The following TENM4 variants were observed in gnomAD, a reference collection of about 807,000 sequenced individuals.
The protein encoded by TENM4 is teneurin-4.
TENM4 carries 82 observed loss-of-function variants against 243.3 expected under a neutral mutation model. That is an observed-to-expected ratio of 0.34 (90% CI 0.28 to 0.40). The LOEUF is 0.40. Among genes scored for constraint, TENM4 ranks in the 10% least tolerant of loss-of-function variants. The pLI, the probability that TENM4 is intolerant of heterozygous loss-of-function variation, is 1.00. For missense variants in TENM4, 3,138 were observed against 3,673.3 expected, an observed-to-expected ratio of 0.85 and a Z score of 3.77; for synonymous variants, 1,412 against 1,456.3, an observed-to-expected ratio of 0.97 and a Z score of 0.69.
intron 6 of TENM4, among the ~76,000 whole-genome samples, chr11:78,909,741 G>A (rs1478361754): frequency 6.6e-6 from 1 of 152,270 alleles, no homozygotes. Flanking sequence ...GATAATGCAT[G>A]TGCAAGGGTT....
At chr11:79,101,558 A>G (rs1418114156) in intron 4 of TENM4, among the ~76,000 whole-genome samples, 1 of 152,188 alleles carries the variant, frequency 6.6e-6, no homozygotes. Flanking sequence ...TGCGTCCTGG[A>G]GGGCTGAGTA....
At chr11:79,298,688 T>G (rs987977205) in intron 1 of TENM4, among the ~76,000 whole-genome samples, 2 of 152,158 alleles carry the variant, frequency 1.3e-5, no homozygotes, top group African/African-American at 4.8e-5. Context: ...TCTACAGATA[T>G]GATTTCATGA....
intron 28 of TENM4, among the ~76,000 whole-genome samples, chr11:78,693,781 AG>A (rs770340249): frequency 6.6e-6 from 1 of 152,182 alleles, no homozygotes; most frequent in Non-Finnish European, 1.5e-5. Context: ...TGGGAGGCCA[AG>A]GGGGGTGGAT....
At chr11:79,162,681 C>T (rs1862777150) in intron 3 of TENM4, among the ~76,000 whole-genome samples, 2 of 152,156 alleles carry the variant, frequency 1.3e-5, no homozygotes, top group South Asian at 4.1e-4. Flanking sequence ...TCGAGTCCTC[C>T]TCCACATTCC....
intron 5 of TENM4, among the ~76,000 whole-genome samples, chr11:79,068,656 C>T (rs902513253): frequency 6.6e-6 from 1 of 152,078 alleles, no homozygotes; most frequent in African/African-American, 2.4e-5. Context: ...AAGGGCAGAG[C>T]AAATCAGGGT....
At chr11:79,244,533 A>G (rs1855480070) in intron 2 of TENM4, among the ~76,000 whole-genome samples, 1 of 152,162 alleles carries the variant, frequency 6.6e-6, no homozygotes, top group Non-Finnish European at 1.5e-5. Flanking sequence ...GAGAGGCCAG[A>G]GAATTTCTCA....
chr11:78,831,889 A>G, intron 12 of TENM4, among the ~76,000 whole-genome samples: 1 of 152,212 alleles, frequency 6.6e-6, no homozygotes. Context: ...CTCCCTCCAG[A>G]AAGCTTCCTC....
At chr11:78,953,860 C>T (rs1182518419) in intron 6 of TENM4, among the ~76,000 whole-genome samples, 1 of 152,154 alleles carries the variant, frequency 6.6e-6, no homozygotes. Context: ...CTCCATTTTA[C>T]AGACGAGACT....
chr11:79,400,785 T>C (rs570998178), intron 1 of TENM4, among the ~76,000 whole-genome samples: 1 of 152,338 alleles, frequency 6.6e-6, no homozygotes, highest in East Asian at 1.9e-4. Context: ...TCTATTCTTA[T>C]GTTATCTGTT....
intron 3 of TENM4, among the ~76,000 whole-genome samples, chr11:79,180,544 G>T (rs369277028): frequency 1.3e-5 from 2 of 151,690 alleles, no homozygotes; most frequent in African/African-American, 4.8e-5. Context: ...ACAATACCGC[G>T]CACTTGGCAA....
chr11:79,082,226 G>T (rs1860693784), intron 4 of TENM4, among the ~76,000 whole-genome samples: 1 of 152,104 alleles, frequency 6.6e-6, no homozygotes, highest in African/African-American at 2.4e-5. Flanking sequence ...CCCAAAGCTG[G>T]AAACCTTTGC....
At chr11:79,271,050 T>C (rs1425107870) in intron 2 of TENM4, among the ~76,000 whole-genome samples, 1 of 152,132 alleles carries the variant, frequency 6.6e-6, no homozygotes, top group East Asian at 1.9e-4. Context: ...GCTGGGGAAA[T>C]TGATGACTTC....
intron 6 of TENM4, among the ~76,000 whole-genome samples, chr11:79,026,588 T>G (rs1024770758): frequency 1.4e-4 from 21 of 152,162 alleles, no homozygotes; most frequent in Admixed American, 1.2e-3. Flanking sequence ...AGTAGTACTT[T>G]TAGTGCTTTT....
Position 79,127,476 on chromosome 11 carries a change from G to A in TENM4, c.-66+21234C>T, listed in dbSNP as rs544784324. Among the ~76,000 whole-genome samples the A allele has an allele frequency of 1.5e-3, 215 of 144,682 alleles. 2 individuals carry two copies. The highest frequency in any genetic ancestry group is 2.8e-3 in the Non-Finnish European group (179 of 63,668). The allele number at this position is 144,682 out of a possible 152,430, so 94.9% of individuals were successfully genotyped here. ...GCTTGAGTAAATTCACACATCTCCT[G>A]GTACCTGGTATGCAGCCATTGACTT... On this transcript the variant is annotated intron_variant, in intron 4 of 33. Transcript: ENST00000278550.
chr11:79,003,352 A>T (rs542993072), intron 6 of TENM4, among the ~76,000 whole-genome samples: 2 of 151,996 alleles, frequency 1.3e-5, no homozygotes, highest in Admixed American at 1.3e-4. Context: ...CACAGTCTTC[A>T]TATTCTCCAA....
intron 6 of TENM4, among the ~76,000 whole-genome samples, chr11:79,055,908 T>C (rs571088576): frequency 2.2e-4 from 33 of 152,324 alleles, no homozygotes; most frequent in African/African-American, 7.7e-4. Context: ...GAGAAGTGAC[T>C]AGGTCAAAGT....
At chr11:78,781,971 G>T (rs908938763) in intron 16 of TENM4, among the ~76,000 whole-genome samples, 2 of 152,136 alleles carry the variant, frequency 1.3e-5, no homozygotes, top group African/African-American at 4.8e-5. Context: ...ATAACTTGAG[G>T]TAGATCCCTG....
rs1298416437 is a variant in TENM4 at position 78,652,936 on chromosome 11, C to G, written c.*5122G>C. 6.6e-6 allele frequency: 1 copy of G among 152,200 alleles called. No homozygotes were observed. Among genetic ancestry groups the G allele is most frequent in the East Asian group, 1.9e-4 (1 of 5,186 alleles). 9.4% of individuals were successfully genotyped at this position (152,200 alleles called of 1,614,324 possible). A position where few individuals can be genotyped will look rare whatever the true frequency, so the allele number is the denominator to read the frequency against. The stretch of plus-strand genomic sequence containing the variant: ...GTGTGCCCAGTGGTGGAGCAAGGCT[C>G]CCTCCTCTGGGAGGGTTGGGTTCGT... On this transcript the variant is annotated 3_prime_UTR_variant, in exon 34 of 34. Coordinates refer to ENST00000278550, the MANE Select transcript of TENM4 (RefSeq NM_001098816.3).
chr11:79,202,198 A>G (rs966967688), intron 3 of TENM4, among the ~76,000 whole-genome samples: 2 of 151,996 alleles, frequency 1.3e-5, no homozygotes, highest in African/African-American at 2.4e-5. Context: ...CGTCCCATAA[A>G]CCACTGCCAC....
Sources: allele counts gnomAD v4.1 joint callset (sites outside exome capture counted in the v4.1 genomes callset), GRCh38; gene constraint gnomAD v4.1.1; transcripts MANE v1.5; gene names NCBI Gene and HGNC (gene_info 2026-07-23, HGNC 2026-07-21).